The following PKHD1L1 variants were observed in gnomAD, a reference collection of about 807,000 sequenced individuals.
The protein encoded by PKHD1L1 is fibrocystin-L.
In PKHD1L1, 434 loss-of-function variants were observed where a neutral mutation model predicts 462.9. The observed-to-expected ratio is 0.94, with a 90% CI of 0.87 to 1.02. The LOEUF is 1.02. PKHD1L1 is among the 50% of genes least tolerant of loss of function. PKHD1L1 has a pLI of 0.00. For missense variants in PKHD1L1, 5,202 were observed against 5,096.1 expected, an observed-to-expected ratio of 1.02 and a Z score of -0.63; for synonymous variants, 1,781 against 1,750.0, an observed-to-expected ratio of 1.02 and a Z score of -0.44.
chr8:109,386,871 T>C (rs777409293), intron 6 of PKHD1L1, among the ~76,000 whole-genome samples: 3 of 152,156 alleles, frequency 2.0e-5, no homozygotes, highest in Non-Finnish European at 4.4e-5. Context: ...TATTTCTGCT[T>C]AATATAAAGA....
intron 40 of PKHD1L1, among the ~76,000 whole-genome samples, chr8:109,450,377 C>T (rs1296795806): frequency 6.6e-6 from 1 of 152,110 alleles, no homozygotes; most frequent in Non-Finnish European, 1.5e-5. Context: ...ATTGTTGCTT[C>T]TTTCTCTGAC....
At chr8:109,367,260 G>A (rs1811279128) in intron 2 of PKHD1L1, among the ~76,000 whole-genome samples, 1 of 151,920 alleles carries the variant, frequency 6.6e-6, no homozygotes, top group Non-Finnish European at 1.5e-5. Context: ...ACATCACCAG[G>A]GTGTCTCTGA....
In PKHD1L1 at chr8:109,443,037, C is replaced by T. The variant is rs1474909518; in HGVS notation, c.4485C>T (p.Val1495=). The T allele has an allele frequency of 3.7e-6, 6 of 1,613,682 alleles. No homozygotes were observed. Among genetic ancestry groups the T allele is most frequent in the Non-Finnish European group, 5.1e-6 (6 of 1,179,648 alleles). ...DEAHSIFLQG[V]INVLPAETRH... is the part of the protein sequence containing the mutation. ...CTCACTCCATTTTTCTCCAAGGAGT[C>T]ATTAATGTTTTACCAGCTGAAACCA... The change falls in exon 36 of 78, where the codon GTC becomes GTT. Residue 1495 remains valine (V), a synonymous_variant. Coordinates refer to ENST00000378402, the MANE Select transcript of PKHD1L1 (RefSeq NM_177531.6).
At position 109,362,622 on chromosome 8, in the gene PKHD1L1, G is replaced by A; in HGVS notation, c.42G>A (p.Gly14=). ...TCCTGGGTATTTGGGGCCTCTGTGG[G>A]CTGCTCCTGTGTGCCGCGGATCCCA... The part of the protein sequence containing the change: ...LWLLGIWGLC[G]LLLCAADPST... The change falls in exon 1 of 78, where the codon GGG becomes GGA. Residue 14 remains glycine, a synonymous_variant. Coordinates refer to ENST00000378402, the MANE Select transcript of PKHD1L1 (RefSeq NM_177531.6). 4.4e-6 allele frequency: 7 copies of A among 1,609,074 alleles called. No homozygotes were observed. Among genetic ancestry groups the A allele is most frequent in the South Asian group, 1.1e-5 (1 of 89,644 alleles).
In PKHD1L1 at chr8:109,476,672, G is replaced by A; in HGVS notation, c.8917+5G>A. The stretch of plus-strand genomic sequence containing the variant: ...CTAGTACTCTATATTACTTGGGTAT[G>A]TGTCATTAGGCAGAAATGATAGTTT... On this transcript the variant is annotated splice_donor_5th_base_variant and intron_variant, in intron 52 of 77. Coordinates refer to ENST00000378402, the MANE Select transcript of PKHD1L1 (RefSeq NM_177531.6). 1 of 1,581,142 alleles carries A rather than the reference G, an allele frequency of 6.3e-7. No individual in the cohort carries two copies. The highest frequency in any genetic ancestry group is 8.6e-7 in the Non-Finnish European group (1 of 1,165,522).
chr8:109,512,046 G>GT (rs954882858), intron 71 of PKHD1L1, among the ~76,000 whole-genome samples: 1 of 151,812 alleles, frequency 6.6e-6, no homozygotes, highest in Non-Finnish European at 1.5e-5. Context: ...GGGGTTGTTT[G>GT]TTTTTTTCTT....
rs1043064960 is a variant in PKHD1L1 at position 109,523,152 on chromosome 8, A to T, written c.12331-81A>T. On this transcript the variant is annotated intron_variant, in intron 75 of 77. Coordinates refer to ENST00000378402, the MANE Select transcript of PKHD1L1 (RefSeq NM_177531.6). ...TTTCAATTTATAATGAGGCATTTTTAAAAATAAAGTTTTGCATATATTTTT... is the reference window on the plus strand; with the variant it reads ...TTTCAATTTATAATGAGGCATTTTTTAAAATAAAGTTTTGCATATATTTTT... 4.5e-6 allele frequency: 6 copies of T among 1,323,446 alleles called. No individual in the cohort carries two copies. In the Admixed American group the frequency reaches 1.2e-4, roughly 27 times the overall value. The allele number at this position is 1,323,446 out of a possible 1,614,324, so 82.0% of individuals were successfully genotyped here. A position where few individuals can be genotyped will look rare whatever the true frequency, so the allele number is the denominator to read the frequency against.
intron 13 of PKHD1L1, 69 bp downstream of exon 13, chr8:109,400,413 C>T: frequency 1.4e-6 from 2 of 1,476,148 alleles, no homozygotes; most frequent in Non-Finnish European, 1.8e-6. Flanking sequence ...GTATCTTACT[C>T]TAAATCAAAA....
At chr8:109,492,129 T>G in intron 62 of PKHD1L1, 135 bp downstream of exon 62, 1 of 512,948 alleles carries the variant, frequency 1.9e-6, no homozygotes, top group Non-Finnish European at 2.9e-6. Context: ...CCATTGATTT[T>G]TTTTTTTTTC....
At chr8:109,385,466 A>G in intron 5 of PKHD1L1, 71 bp from the exon 6 acceptor site, 3 of 958,322 alleles carry the variant, frequency 3.1e-6, no homozygotes, top group Non-Finnish European at 4.7e-6. Context: ...AAAATCTCTT[A>G]TGTTTTCGTA....
intron 18 of PKHD1L1, among the ~76,000 whole-genome samples, chr8:109,409,339 T>G (rs2130585234): frequency 6.6e-6 from 1 of 152,100 alleles, no homozygotes; most frequent in Middle Eastern, 3.4e-3. Context: ...ACCCTCCACC[T>G]CCTGGGTTCA....
intron 27 of PKHD1L1, among the ~76,000 whole-genome samples, chr8:109,431,787 G>C (rs117829075): frequency 0.025 from 3,801 of 152,114 alleles, 78 homozygotes; most frequent in Middle Eastern, 0.051. Context: ...GAACTTTCTT[G>C]TACAAACCTC....
At chr8:109,369,000 A>G (rs1219287767) in intron 2 of PKHD1L1, among the ~76,000 whole-genome samples, 1 of 148,316 alleles carries the variant, frequency 6.7e-6, no homozygotes, top group Non-Finnish European at 1.5e-5. Context: ...TTTTTTTGAG[A>G]TGGAGTTTCA....
chr8:109,459,683 A>G lies in PKHD1L1; in HGVS notation c.7093A>G (p.Thr2365Ala). ...AACACTAAGTAACCCACTAAATTAC[A>G]CACACTTAGGAATTACGGTCACACT... Reference protein sequence around the residue: ...NITLSNPLNYTHLGITVTLPD... With the variant: ...NITLSNPLNYAHLGITVTLPD... Residue 2365 changes from threonine to alanine, a missense_variant, in exon 47 of 78, where the codon ACA (threonine) becomes GCA (alanine). This residue lies in a region of PKHD1L1 where 4,497 missense variants were observed against 4,336.8 expected (regional missense o/e 1.04). Transcript: ENST00000378402. 1 of 1,611,252 alleles carries G rather than the reference A, an allele frequency of 6.2e-7. No individual in the cohort carries two copies. Among genetic ancestry groups the G allele is most frequent in the Non-Finnish European group, 8.5e-7 (1 of 1,178,514 alleles).
At chr8:109,406,293 A>G in intron 16 of PKHD1L1, 42 bp from the exon 17 acceptor site, 1 of 1,516,682 alleles carries the variant, frequency 6.6e-7, no homozygotes, top group Non-Finnish European at 8.8e-7. Flanking sequence ...AAAGATTTCA[A>G]CTTTTCTGTT....
intron 68 of PKHD1L1, among the ~76,000 whole-genome samples, chr8:109,506,799 C>A (rs1819712917): frequency 6.6e-6 from 1 of 152,170 alleles, no homozygotes; most frequent in Non-Finnish European, 1.5e-5. Flanking sequence ...TAGATCTGAG[C>A]TGTCCACTAT....
intron 48 of PKHD1L1, 57 bp downstream of exon 48, chr8:109,461,965 A>T: frequency 6.5e-7 from 1 of 1,533,628 alleles, no homozygotes; most frequent in Non-Finnish European, 8.8e-7. Flanking sequence ...CATACAAGAA[A>T]TGTGTGTTGA....
chr8:109,495,173 A>G (rs535892680), intron 63 of PKHD1L1, among the ~76,000 whole-genome samples: 10 of 152,176 alleles, frequency 6.6e-5, no homozygotes, highest in African/African-American at 2.4e-4. Context: ...AGGAATAAAA[A>G]CTACTTTGTC....
chr8:109,404,476 G>T (rs920957726), intron 14 of PKHD1L1, 78 bp from the exon 15 acceptor site: 4 of 797,028 alleles, frequency 5.0e-6, no homozygotes, highest in Non-Finnish European at 7.1e-6. Flanking sequence ...AGATAATATT[G>T]ATATTTTATT....
Sources: gnomAD v4.1 joint callset for allele counts (sites outside exome capture counted in the v4.1 genomes callset) on GRCh38, gnomAD v4.1.1 for gene constraint, gnomAD v4.1.1 regional missense constraint, MANE v1.5 for transcripts, NCBI Gene and HGNC (gene_info 2026-07-23, HGNC 2026-07-21) for gene names.